Variants in KCNH2 observed in about 807,000 individuals in gnomAD.
KCNH2 encodes the protein potassium voltage-gated channel subfamily H member 2.
A neutral mutation model predicts 95.9 loss-of-function variants in KCNH2; 35 were observed. The observed-to-expected ratio is 0.37, with a 90% CI of 0.28 to 0.48. KCNH2 has a LOEUF of 0.48. Ranked by LOEUF, KCNH2 falls within the 20% of genes least tolerant of loss-of-function variation. The pLI is 0.99. For synonymous variants in KCNH2, 786 were observed against 754.7 expected (o/e 1.04, Z -0.68); for missense variants, 1,274 against 1,702.9 (o/e 0.75, Z 4.43).
intron 9 of KCNH2, chr7:150,949,320 C>A: frequency 7.3e-7 from 1 of 1,374,712 alleles, no homozygotes; most frequent in Non-Finnish European, 9.4e-7. Context: ...ACCCCAGGTC[C>A]CAAACACCCT....
chr7:150,952,308 CTT>C lies in KCNH2; in HGVS notation c.1557+115_1557+116del, dbSNP rs1801203429. 11 of 1,149,086 alleles carry C rather than the reference CTT, an allele frequency of 9.6e-6. No individual in the cohort carries two copies. The highest frequency in any genetic ancestry group is 2.5e-6 in the Non-Finnish European group (2 of 793,456). The allele number at this position is 1,149,086 out of a possible 1,614,324, so 71.2% of individuals were successfully genotyped here. A position where few individuals can be genotyped will look rare whatever the true frequency, so the allele number is the denominator to read the frequency against. ...TGTCTCTCTCCCACTGTCTTTCTCT[CTT>C]TCTCTCTCTCTCTCTTTTTCTCTGT... On this transcript the variant is annotated intron_variant, in intron 6 of 14. Coordinates refer to ENST00000262186, the MANE Select transcript of KCNH2 (RefSeq NM_000238.4). The surrounding 1 kb of genome is among the most constrained non-coding windows in gnomAD (Gnocchi z 7.3).
chr7:150,950,161 C>G lies in KCNH2; in HGVS notation c.2398+7G>C, dbSNP rs1234994809. ...TTCCAGTCCAGTGCCCGCCCCCCAC[C>G]CCATACCCAGGATGGCCACGACGAC... On this transcript the variant is annotated splice_region_variant and intron_variant, in intron 9 of 14. Transcript: ENST00000262186. 1.2e-6 allele frequency: 1 copy of G among 807,560 alleles called. No homozygotes were observed. The highest frequency in any genetic ancestry group is 2.0e-6 in the Non-Finnish European group (1 of 492,830). The allele number at this position is 807,560 out of a possible 1,614,324, so 50.0% of individuals were successfully genotyped here.
chr7:150,949,408 ATTTTTT>A (rs1035990140), intron 9 of KCNH2: 367 of 375,466 alleles, frequency 9.8e-4, no homozygotes, highest in South Asian at 2.0e-3. Context: ...CAAAACCAGC[ATTTTTT>A]TTTTTTTTTT....
At chr7:150,955,704 A>C (rs2116988694) in intron 5 of KCNH2, 1 of 1,351,794 alleles carries the variant, frequency 7.4e-7, no homozygotes, top group South Asian at 2.0e-5. Context: ...AAGCGTGGGC[A>C]GCAGCCTGCC....
chr7:150,947,044 G>T lies in KCNH2; in HGVS notation c.3163C>A (p.Arg1055=), dbSNP rs541259035. The T allele has an allele frequency of 6.2e-7, 1 of 1,600,770 alleles. No individual in the cohort carries two copies. The highest frequency in any genetic ancestry group is 1.7e-5 in the Admixed American group (1 of 59,256). The change falls in exon 14 of 15, where the codon CGG becomes AGG. Residue 1055 remains arginine, a synonymous_variant. Coordinates refer to ENST00000262186, the MANE Select transcript of KCNH2 (RefSeq NM_000238.4). Reference sequence around the variant, plus strand: ...ACAGTGGCCATGTCTGCACTCAGCCGGGTCTCCAGCCTGGGGCAGGAAGTG... The same window carrying T: ...ACAGTGGCCATGTCTGCACTCAGCCTGGTCTCCAGCCTGGGGCAGGAAGTG... The part of the protein sequence containing the change: ...LQRQLNRLET[R]LSADMATVLQ...
rs202194495 is a variant in KCNH2, at chr7:150,948,482, C to G, written c.2654G>C (p.Arg885Pro). 1 of 1,508,114 alleles carries G rather than the reference C, an allele frequency of 6.6e-7. No homozygotes were observed. 93.4% of individuals were successfully genotyped at this position (1,508,114 alleles called of 1,614,324 possible). ...CCTGCGGAAGGACAACTTGCGCTTG[C>G]GTTGCCGACTGAAGCCACCCTCTAA... ...TELEGGFSRQRKRKLSFRRRT... is the reference protein window; with the variant it reads ...TELEGGFSRQPKRKLSFRRRT... Residue 885 changes from arginine (R) to proline (P), a missense_variant, in exon 11 of 15, where the codon CGC becomes CCC. This residue lies in a region of KCNH2 where 457 missense variants were observed against 416.1 expected (regional missense o/e 1.10). Transcript: ENST00000262186.
chr7:150,954,983 C>G (rs1439891125), intron 5 of KCNH2, among the ~76,000 whole-genome samples: 3 of 152,244 alleles, frequency 2.0e-5, no homozygotes, highest in Non-Finnish European at 2.9e-5. Flanking sequence ...GGGTCCAACC[C>G]CAGCACACAG....
chr7:150,971,767 G>A (rs1448539791), intron 2 of KCNH2, among the ~76,000 whole-genome samples: 2 of 151,960 alleles, frequency 1.3e-5, no homozygotes, highest in African/African-American at 4.8e-5. Flanking sequence ...CCGAGAAGGT[G>A]GGCACAGTCA....
At chr7:150,957,633 G>A in intron 4 of KCNH2, 131 bp from the exon 5 acceptor site, 2 of 732,864 alleles carry the variant, frequency 2.7e-6, no homozygotes, top group South Asian at 1.5e-5. Flanking sequence ...GAGACCAGGG[G>A]AGTCACAAGA....
intron 9 of KCNH2, chr7:150,949,407 C>CA: frequency 1.3e-6 from 1 of 743,316 alleles, no homozygotes; most frequent in Non-Finnish European, 1.7e-6. Flanking sequence ...TCAAAACCAG[C>CA]ATTTTTTTTT....
chr7:150,968,083 T>C (rs139853879), intron 2 of KCNH2, among the ~76,000 whole-genome samples: 358 of 152,256 alleles, frequency 2.4e-3, no homozygotes, highest in South Asian at 4.1e-3. Context: ...CAACAAGAAA[T>C]CACTGTCACC....
chr7:150,968,386 G>A (rs564915233), intron 2 of KCNH2, among the ~76,000 whole-genome samples: 63 of 152,308 alleles, frequency 4.1e-4, no homozygotes, highest in African/African-American at 1.2e-3. Flanking sequence ...TGGGTGAAGC[G>A]TGGCGGCCGC....
In KCNH2 at chr7:150,951,790, C is replaced by A. The variant is rs375872367; in HGVS notation, c.1603G>T (p.Val535Leu). The A allele has an allele frequency of 6.3e-7, 1 of 1,593,258 alleles. No homozygotes were observed. The highest frequency in any genetic ancestry group is 1.1e-5 in the South Asian group (1 of 88,916). The change falls in exon 7 of 15, where the codon GTG becomes TTG. Residue 535 changes from valine (V) to leucine (L), a missense_variant. Val to Leu is a conservative substitution (Grantham distance 32). Around this residue, in one of 7 missense-constraint regions of KCNH2, gnomAD observed 147 missense variants for 344.4 expected, o/e 0.43. Transcript: ENST00000262186. ...GAGTAGCGATCCAGCTTCCGCGCCACGCGCACCAGCCGCAGCAGCCGCGCA... is the reference window on the plus strand; with the variant it reads ...GAGTAGCGATCCAGCTTCCGCGCCAAGCGCACCAGCCGCAGCAGCCGCGCA... ...KTARLLRLVR[V>L]ARKLDRYSEY...
At chr7:150,974,155 G>C (rs1288603925) in intron 2 of KCNH2, among the ~76,000 whole-genome samples, 1 of 152,142 alleles carries the variant, frequency 6.6e-6, no homozygotes, top group Admixed American at 6.5e-5. Context: ...AACTGAGGTT[G>C]CGGGGAGAGG....
In KCNH2 at chr7:150,951,841, G is replaced by A. The variant is rs777107971; in HGVS notation, c.1558-6C>T. ...GTCTTCAGCAGCCCGATCAGCTGGG[G>A]GACAGGGAAGGGGCACATTCCGTTG... is the stretch of plus-strand genomic sequence containing the variant. On this transcript the variant is annotated splice_polypyrimidine_tract_variant and splice_region_variant and intron_variant, in intron 6 of 14. Transcript: ENST00000262186. 15 of 1,564,212 alleles carry A rather than the reference G, an allele frequency of 9.6e-6. No homozygotes were observed. The highest frequency in any genetic ancestry group is 8.6e-5 in the Admixed American group (5 of 57,832).
intron 9 of KCNH2, chr7:150,949,744 G>T: frequency 2.5e-6 from 3 of 1,187,748 alleles, no homozygotes; most frequent in Non-Finnish European, 2.1e-6. Context: ...GAAAGGAAGT[G>T]GGGGGAGGGG....
chr7:150,976,350 T>C (rs1484567377), intron 1 of KCNH2, among the ~76,000 whole-genome samples: 1 of 152,154 alleles, frequency 6.6e-6, no homozygotes, highest in Non-Finnish European at 1.5e-5. Context: ...GGTTCATCTT[T>C]TGGCCAGTTC....
intron 2 of KCNH2, among the ~76,000 whole-genome samples, chr7:150,970,767 C>T (rs1450472244): frequency 6.6e-6 from 1 of 152,234 alleles, no homozygotes; most frequent in Non-Finnish European, 1.5e-5. Context: ...AGGATAGGAA[C>T]ACCGCTGTCC....
rs1431001964 is a variant in KCNH2, at chr7:150,945,859, G to A, written c.3331-345C>T. 1.3e-5 allele frequency among the ~76,000 whole-genome samples: 2 copies of A among 152,190 alleles called. No individual in the cohort carries two copies. The highest frequency in any genetic ancestry group is 2.9e-5 in the Non-Finnish European group (2 of 68,032). ...ACCTGGAACAAGCAGTCTCTGTGTT[G>A]GGACAGAAGCTGGGACAGAAAAAGA... On this transcript the variant is annotated intron_variant, in intron 14 of 14. Transcript: ENST00000262186. This position sits in a 1 kb window ranked among gnomAD's most constrained non-coding sequence, Gnocchi z 5.6.
Sources: gnomAD v4.1 joint callset for allele counts (sites outside exome capture counted in the v4.1 genomes callset) on GRCh38, gnomAD v4.1.1 for gene constraint, gnomAD v4.1.1 regional missense constraint, Gnocchi (gnomAD v3.1) non-coding constraint, MANE v1.5 for transcripts, NCBI Gene and HGNC (gene_info 2026-07-23, HGNC 2026-07-21) for gene names.